The following TP63 variants were observed in gnomAD, a reference collection of about 807,000 sequenced individuals.
TP63 encodes the protein tumor protein p63.
In TP63, 17 loss-of-function variants were observed where a neutral mutation model predicts 82.8. That is an observed-to-expected ratio of 0.21 (90% CI 0.14 to 0.31). The LOEUF (loss-of-function observed/expected upper bound fraction) is 0.31, where lower values mean the gene tolerates loss of function less well. Among genes scored for constraint, TP63 ranks in the 10% least tolerant of loss-of-function variants. The pLI, the probability that TP63 is intolerant of heterozygous loss-of-function variation, is 1.00. For synonymous variants in TP63, 330 were observed against 321.7 expected, an observed-to-expected ratio of 1.03 and a Z score of -0.28; for missense variants, 648 against 895.3, an observed-to-expected ratio of 0.72 and a Z score of 3.52.
intron 4 of TP63, among the ~76,000 whole-genome samples, chr3:189,844,830 A>T (rs1714657746): frequency 1.3e-5 from 2 of 152,112 alleles, no homozygotes; most frequent in South Asian, 4.1e-4. Flanking sequence ...CCTCCTTATC[A>T]AAAGTTATTG....
intron 11 of TP63, 138 bp from the exon 12 acceptor site, chr3:189,889,202 G>C: frequency 1.6e-6 from 2 of 1,216,790 alleles, no homozygotes; most frequent in South Asian, 2.6e-5. Flanking sequence ...GTTTGAAGGG[G>C]TGTAGTGAGA....
At position 189,868,099 on chromosome 3, in the gene TP63, A is replaced by G. The variant is rs1054336824; in HGVS notation, c.992+157A>G. ...CTACAAACGGTTACATAAAAGATCT[A>G]AGAAAGTGGAGACAAAGGAAGGTGG... On this transcript the variant is annotated intron_variant, in intron 7 of 13. Coordinates refer to ENST00000264731, the MANE Select transcript of TP63 (RefSeq NM_003722.5). 2.6e-5 allele frequency among the ~76,000 whole-genome samples: 4 copies of G among 152,220 alleles called. 1 individual carries two copies. The highest frequency in any genetic ancestry group is 4.4e-5 in the Non-Finnish European group (3 of 68,036).
At chr3:189,620,974 A>C in the TP63 span, among the ~76,000 whole-genome samples, 3 of 152,340 alleles carry the variant, frequency 2.0e-5, no homozygotes, top group African/African-American at 7.2e-5. Flanking sequence ...TCTATTACGC[A>C]CACCTTTGAA....
intron 1 of TP63, among the ~76,000 whole-genome samples, chr3:189,639,206 A>G (rs1711584466): frequency 6.6e-6 from 1 of 152,158 alleles, no homozygotes; most frequent in Admixed American, 6.6e-5. Flanking sequence ...ATTACGATCA[A>G]AGTGCAAAGA....
intron 3 of TP63, among the ~76,000 whole-genome samples, chr3:189,764,077 C>G (rs1216168301): frequency 6.6e-6 from 1 of 152,138 alleles, no homozygotes; most frequent in African/African-American, 2.4e-5. Flanking sequence ...CATATGACCT[C>G]AAACTCTGCA....
intron 3 of TP63, among the ~76,000 whole-genome samples, chr3:189,784,697 A>G (rs1255335327): frequency 2.6e-5 from 4 of 152,036 alleles, no homozygotes; most frequent in African/African-American, 9.7e-5. Flanking sequence ...CTCCCTTTCT[A>G]TGCCTATGAG....
intron 4 of TP63, among the ~76,000 whole-genome samples, chr3:189,843,132 G>A (rs897538499): frequency 6.6e-6 from 1 of 152,206 alleles, no homozygotes; most frequent in African/African-American, 2.4e-5. Flanking sequence ...TCAGCAGGGA[G>A]GACACAGCTG....
chr3:189,893,128 T>C (rs1403356705), intron 13 of TP63, among the ~76,000 whole-genome samples: 1 of 152,132 alleles, frequency 6.6e-6, no homozygotes, highest in Non-Finnish European at 1.5e-5. Flanking sequence ...CCCCATAACA[T>C]GCAAAAATGA....
chr3:189,653,979 T>G lies in TP63; in HGVS notation c.62+22402T>G, dbSNP rs536992588. 6.4e-4 allele frequency among the ~76,000 whole-genome samples: 97 copies of G among 152,294 alleles called. 1 individual carries two copies. The South Asian group carries it at 7.7e-3, about 12-fold the overall frequency. On this transcript the variant is annotated intron_variant, in intron 1 of 13. Transcript: ENST00000264731. Reference sequence around the variant, plus strand: ...AGGGGAGAAATAATTGAATTTCAATTCATCTTCCACTATGGCTGAAGAGAT... The same window carrying G: ...AGGGGAGAAATAATTGAATTTCAATGCATCTTCCACTATGGCTGAAGAGAT...
chr3:189,611,929 G>T, the TP63 span, among the ~76,000 whole-genome samples: 1 of 151,996 alleles, frequency 6.6e-6, no homozygotes, highest in African/African-American at 2.4e-5. Context: ...CTCTTGGTTT[G>T]GTTGTTGGTG....
Position 189,814,212 on chromosome 3 carries a change from C to G in TP63, c.579+5686C>G, listed in dbSNP as rs754002633. 3.3e-4 allele frequency among the ~76,000 whole-genome samples: 50 copies of G among 152,180 alleles called. 1 individual carries two copies. Among genetic ancestry groups the G allele is most frequent in the Non-Finnish European group, 5.6e-4 (38 of 68,022 alleles). On this transcript the variant is annotated intron_variant, in intron 4 of 13. Coordinates refer to ENST00000264731, the MANE Select transcript of TP63 (RefSeq NM_003722.5). ...CAGCTCTGCAGAAATCTAATGCAAC[C>G]CAGCCAATTGCGTGGCCCTCTGGAA...
At chr3:189,634,087 T>A (rs930800111) in intron 1 of TP63, among the ~76,000 whole-genome samples, 1 of 152,080 alleles carries the variant, frequency 6.6e-6, no homozygotes, top group Non-Finnish European at 1.5e-5. Context: ...AAACAATATG[T>A]TCTTTGATAC....
At chr3:189,668,162 T>C (rs1245694656) in intron 1 of TP63, among the ~76,000 whole-genome samples, 1 of 151,890 alleles carries the variant, frequency 6.6e-6, no homozygotes, top group African/African-American at 2.4e-5. Flanking sequence ...ACTAAGCGAA[T>C]ACAAGTTTAA....
chr3:189,785,879 T>C (rs1724563199), intron 3 of TP63, among the ~76,000 whole-genome samples: 1 of 152,038 alleles, frequency 6.6e-6, no homozygotes, highest in Non-Finnish European at 1.5e-5. Flanking sequence ...TGTATGTTCC[T>C]TTTTTGCCCT....
intron 1 of TP63, 58 bp downstream of exon 1, chr3:189,631,635 A>G: frequency 1.2e-6 from 2 of 1,610,774 alleles, no homozygotes; most frequent in South Asian, 1.1e-5. Context: ...CTTGTGTATT[A>G]TGAATGTGTC....
At chr3:189,700,559 A>AGG (rs2108738702) in intron 1 of TP63, among the ~76,000 whole-genome samples, 5 of 152,332 alleles carry the variant, frequency 3.3e-5, no homozygotes, top group African/African-American at 1.2e-4. Flanking sequence ...TGAGGTAGGT[A>AGG]GGTAGATGGG....
intron 10 of TP63, among the ~76,000 whole-genome samples, chr3:189,875,434 C>G (rs1718933609): frequency 6.6e-6 from 1 of 150,786 alleles, no homozygotes; most frequent in African/African-American, 2.4e-5. Context: ...GGCAAGGTGG[C>G]ACGCACCTGT....
At chr3:189,733,888 G>A (rs952035751) in intron 1 of TP63, among the ~76,000 whole-genome samples, 2 of 151,946 alleles carry the variant, frequency 1.3e-5, no homozygotes, top group Non-Finnish European at 2.9e-5. Context: ...AAAGATACAG[G>A]ATTATCAGAT....
At chr3:189,823,984 C>T (rs1381705363) in intron 4 of TP63, among the ~76,000 whole-genome samples, 1 of 152,102 alleles carries the variant, frequency 6.6e-6, no homozygotes, top group African/African-American at 2.4e-5. Context: ...GACTTCCTTT[C>T]ATGCTCTCTC....
Sources: gnomAD v4.1 joint callset for allele counts (sites outside exome capture counted in the v4.1 genomes callset) on GRCh38, gnomAD v4.1.1 for gene constraint, MANE v1.5 for transcripts, NCBI Gene and HGNC (gene_info 2026-07-23, HGNC 2026-07-21) for gene names.